Variants in KCTD3 observed in about 807,000 individuals in gnomAD.
KCTD3 encodes the protein potassium channel tetramerization domain containing 3.
KCTD3 carries 41 observed loss-of-function variants against 85.8 expected under a neutral mutation model. That is an observed-to-expected ratio of 0.48 (90% CI 0.37 to 0.62). The LOEUF (loss-of-function observed/expected upper bound fraction) is 0.62, where lower values mean the gene tolerates loss of function less well. Among genes scored for constraint, KCTD3 ranks in the 20% least tolerant of loss-of-function variants. The pLI is 0.00. For synonymous variants in KCTD3, 338 were observed against 345.4 expected (o/e 0.98, Z 0.24); for missense variants, 724 against 989.9 (o/e 0.73, Z 3.60).
chr1:215,607,065 T>G (rs1359954157), intron 13 of KCTD3, among the ~76,000 whole-genome samples: 1 of 151,948 alleles, frequency 6.6e-6, no homozygotes, highest in African/African-American at 2.4e-5. Context: ...AGTACACAGA[T>G]GTTACTTATT....
chr1:215,612,250 A>T (rs2102602026), intron 15 of KCTD3, among the ~76,000 whole-genome samples: 1 of 152,276 alleles, frequency 6.6e-6, no homozygotes, highest in Middle Eastern at 3.4e-3. Context: ...CTGGAACTTA[A>T]ATATTTTCCA....
chr1:215,572,815 T>A (rs1659417501), intron 1 of KCTD3, among the ~76,000 whole-genome samples: 1 of 152,134 alleles, frequency 6.6e-6, no homozygotes, highest in African/African-American at 2.4e-5. Flanking sequence ...AGTTTAAGTA[T>A]GAAAGGTAAA....
At chr1:215,599,589 T>C (rs977308055) in intron 10 of KCTD3, among the ~76,000 whole-genome samples, 2 of 152,214 alleles carry the variant, frequency 1.3e-5, no homozygotes, top group Admixed American at 1.3e-4. Context: ...GTATGGTTTC[T>C]TGGATTCTTG....
intron 12 of KCTD3, among the ~76,000 whole-genome samples, chr1:215,603,813 A>G (rs573294579): frequency 2.2e-4 from 33 of 152,210 alleles, no homozygotes; most frequent in Non-Finnish European, 3.5e-4. Context: ...GTCTTTGTCA[A>G]TAAGGAATAG....
intron 7 of KCTD3, among the ~76,000 whole-genome samples, chr1:215,579,439 A>C (rs983377328): frequency 6.6e-6 from 1 of 152,068 alleles, no homozygotes; most frequent in African/African-American, 2.4e-5. Context: ...TTGCCATTGT[A>C]GCATGAACAC....
At chr1:215,617,878 T>A (rs1655518241) in intron 15 of KCTD3, among the ~76,000 whole-genome samples, 1 of 148,220 alleles carries the variant, frequency 6.7e-6, no homozygotes, top group Non-Finnish European at 1.5e-5. Flanking sequence ...ATATATATAA[T>A]ATATATGTAT....
intron 14 of KCTD3, among the ~76,000 whole-genome samples, chr1:215,608,716 A>G (rs1044366472): frequency 6.6e-6 from 1 of 151,444 alleles, no homozygotes; most frequent in East Asian, 2.1e-4. Flanking sequence ...ACATCCACAC[A>G]TGTGTGCATA....
intron 12 of KCTD3, among the ~76,000 whole-genome samples, 171 bp downstream of exon 12, chr1:215,602,372 A>C (rs1025435242): frequency 1.3e-5 from 2 of 152,108 alleles, no homozygotes; most frequent in Admixed American, 1.3e-4. Flanking sequence ...ACTGAAGTCA[A>C]ACATGACCAG....
chr1:215,583,539 T>C (rs1333612223), intron 8 of KCTD3, among the ~76,000 whole-genome samples: 1 of 152,210 alleles, frequency 6.6e-6, no homozygotes, highest in Non-Finnish European at 1.5e-5. Context: ...GACCTTTACC[T>C]TGTGCTGACC....
At chr1:215,612,231 T>A (rs1655259703) in intron 15 of KCTD3, among the ~76,000 whole-genome samples, 1 of 152,204 alleles carries the variant, frequency 6.6e-6, no homozygotes, top group Non-Finnish European at 1.5e-5. Context: ...GTTTCTATCT[T>A]TAAAAAACCT....
intron 15 of KCTD3, among the ~76,000 whole-genome samples, chr1:215,616,588 C>T (rs1212603716): frequency 6.6e-6 from 1 of 152,002 alleles, no homozygotes; most frequent in African/African-American, 2.4e-5. Context: ...TGGAGAAACC[C>T]CATCTCTACT....
chr1:215,620,504 T>G lies in KCTD3; in HGVS notation c.2334T>G (p.Ser778Arg), dbSNP rs533928877. ...KKVPYLASSP[S>R]TSDGGTDSPG... ...TTCCCTATCTGGCGTCATCACCAAG[T>G]ACTTCCGATGGAGGAACTGACTCAC... Residue 778 changes from serine to arginine, a missense_variant, in exon 18 of 18, where the codon AGT (serine) becomes AGG (arginine). Ser to Arg is a moderately radical substitution (Grantham distance 110). Around this residue, in one of 6 missense-constraint regions of KCTD3, gnomAD observed 222 missense variants for 217.7 expected, o/e 1.02. Transcript: ENST00000259154. The G allele has an allele frequency of 7.4e-6, 12 of 1,613,682 alleles. No individual in the cohort carries two copies. The Admixed American group carries it at 1.5e-4, about 20-fold the overall frequency.
intron 9 of KCTD3, among the ~76,000 whole-genome samples, chr1:215,590,511 G>GT: frequency 6.6e-6 from 1 of 152,106 alleles, no homozygotes; most frequent in Admixed American, 6.5e-5. Context: ...TTAACCTGGG[G>GT]TTGTGGGAGC....
Position 215,567,762 on chromosome 1 carries a change from G to C in KCTD3, c.77G>C (p.Gly26Ala). The C allele has an allele frequency of 1.6e-6, 2 of 1,244,620 alleles. No individual in the cohort carries two copies. Among genetic ancestry groups the C allele is most frequent in the South Asian group, 4.1e-5 (1 of 24,402 alleles). 77.1% of individuals were successfully genotyped at this position (1,244,620 alleles called of 1,614,324 possible). The change falls in exon 1 of 18, where the codon GGG becomes GCG. Residue 26 changes from glycine to alanine, a missense_variant. Physicochemically the swap from Gly to Ala is moderately conservative, Grantham distance 60. This residue lies in a region of KCTD3 where 97 missense variants were observed against 115.7 expected (regional missense o/e 0.84). Coordinates refer to ENST00000259154, the MANE Select transcript of KCTD3 (RefSeq NM_016121.5). ...GAGATCGTCCAACTGAACGTAGGGG[G>C]GACCAGGTGAGTCGGCGGGTAGCGG... ...SGEIVQLNVGGTRFSTSRQTL... is the reference protein window; with the variant it reads ...SGEIVQLNVGATRFSTSRQTL...
In KCTD3 at chr1:215,618,938, A is replaced by G; in HGVS notation, c.1615A>G (p.Arg539Gly). Residue 539 changes from arginine to glycine, a missense_variant, in exon 16 of 18, where the codon AGG (arginine) becomes GGG (glycine). Coordinates refer to ENST00000259154, the MANE Select transcript of KCTD3 (RefSeq NM_016121.5). ...DCTTISSFTV[R>G]ECEGSSRMGS... ...TACTACAATATCCTCATTTACAGTG[A>G]GGGAATGTGAGGGATCCAGTAGGAT... The G allele has an allele frequency of 6.2e-7, 1 of 1,613,436 alleles. No individual in the cohort carries two copies. Among genetic ancestry groups the G allele is most frequent in the Non-Finnish European group, 8.5e-7 (1 of 1,179,752 alleles).
Position 215,612,487 on chromosome 1 carries a change from C to G in KCTD3, c.1562+566C>G, listed in dbSNP as rs540318873. Reference sequence around the variant, plus strand: ...GTCTCCGTGAGAGTAGGATTCCTGTCTTTATGCAGTCTCCTCAGTATTTGT... The same window carrying G: ...GTCTCCGTGAGAGTAGGATTCCTGTGTTTATGCAGTCTCCTCAGTATTTGT... On this transcript the variant is annotated intron_variant, in intron 15 of 17. Coordinates refer to ENST00000259154, the MANE Select transcript of KCTD3 (RefSeq NM_016121.5). Among the ~76,000 whole-genome samples the G allele has an allele frequency of 4.6e-5, 7 of 152,102 alleles. No individual in the cohort carries two copies. The South Asian group carries it at 8.3e-4, about 18-fold the overall frequency.
At chr1:215,570,595 A>C (rs1300449585) in intron 1 of KCTD3, among the ~76,000 whole-genome samples, 1 of 152,194 alleles carries the variant, frequency 6.6e-6, no homozygotes, top group Non-Finnish European at 1.5e-5. Flanking sequence ...TACTTAGTCT[A>C]TTAAAATGTA....
At chr1:215,595,515 G>T (rs756914057) in intron 10 of KCTD3, 44 bp downstream of exon 10, 1 of 1,151,800 alleles carries the variant, frequency 8.7e-7, no homozygotes, top group Non-Finnish European at 1.3e-6. Flanking sequence ...TTTCTGAAAT[G>T]TATGCTGATT....
chr1:215,571,782 C>T (rs1659378959), intron 1 of KCTD3, among the ~76,000 whole-genome samples: 1 of 152,104 alleles, frequency 6.6e-6, no homozygotes, highest in Non-Finnish European at 1.5e-5. Flanking sequence ...CAGGTGCCCG[C>T]CACCACGCCT....
Sources: allele counts gnomAD v4.1 joint callset (sites outside exome capture counted in the v4.1 genomes callset), GRCh38; gene constraint gnomAD v4.1.1; regional missense constraint gnomAD v4.1.1; transcripts MANE v1.5; gene names NCBI Gene and HGNC (gene_info 2026-07-23, HGNC 2026-07-21).